MTRF1: variants seen among roughly 807,000 people sequenced by gnomAD.
MTRF1 encodes peptide chain release factor 1, mitochondrial.
Under a neutral mutation model 62.9 loss-of-function variants are expected in MTRF1, and 51 were observed. That is an observed-to-expected ratio of 0.81 (90% confidence interval 0.65 to 1.02). The LOEUF (loss-of-function observed/expected upper bound fraction) is 1.02, where lower values mean the gene tolerates loss of function less well. Ranked by LOEUF, MTRF1 falls within the 50% of genes least tolerant of loss-of-function variation. The probability of loss-of-function intolerance (pLI) is 0.00; values close to 1 mark genes in which losing one functional copy is unlikely to be tolerated. For synonymous variants in MTRF1, 158 were observed against 181.9 expected (o/e 0.87, Z 1.06); for missense variants, 446 against 530.0 (o/e 0.84, Z 1.56).
At chr13:41,288,751 C>T in the MTRF1 span, among the ~76,000 whole-genome samples, 1 of 152,064 alleles carries the variant, frequency 6.6e-6, no homozygotes. Flanking sequence ...TTATTTTAGA[C>T]TATGGAAATG....
At chr13:41,286,505 T>C in the MTRF1 span, among the ~76,000 whole-genome samples, 48 of 152,344 alleles carry the variant, frequency 3.2e-4, no homozygotes, top group African/African-American at 1.1e-3. Context: ...TAACCCAGGA[T>C]AGTCATAAGC....
At chr13:41,294,429 A>AAG in the MTRF1 span, among the ~76,000 whole-genome samples, 5 of 150,812 alleles carry the variant, frequency 3.3e-5, no homozygotes, top group African/African-American at 1.2e-4. Context: ...AAAAAAAAAA[A>AAG]AAAGAAAGAA....
chr13:41,228,000 C>T lies in MTRF1; in HGVS notation c.989-1432G>A, dbSNP rs188725967. Among the ~76,000 whole-genome samples the T allele has an allele frequency of 1.1e-4, 17 of 152,302 alleles. No homozygotes were observed. In the East Asian group the frequency reaches 3.1e-3, roughly 28 times the overall value. On this transcript the variant is annotated intron_variant, in intron 7 of 9. Coordinates refer to ENST00000379480, the MANE Select transcript of MTRF1 (RefSeq NM_004294.4). ...ACTACCCAAAAGAATATGAACATTT[C>T]CATTTTAAGACGGCCAGGCTTTCAT...
At chr13:41,269,199 GT>G in the MTRF1 span, among the ~76,000 whole-genome samples, 9,443 of 68,328 alleles carry the variant, frequency 0.14, 208 homozygotes, top group African/African-American at 0.22. Flanking sequence ...TTTTTTTTTG[GT>G]TTTTTTTTTT....
At chr13:41,271,583 A>T in the MTRF1 span, among the ~76,000 whole-genome samples, 108,830 of 151,934 alleles carry the variant, frequency 0.72, 39,279 homozygotes, top group African/African-American at 0.74. Flanking sequence ...CAGAGGTCTA[A>T]GATCTCCGAG....
chr13:41,284,456 C>T, the MTRF1 span, among the ~76,000 whole-genome samples: 5 of 144,616 alleles, frequency 3.5e-5, no homozygotes, highest in African/African-American at 1.3e-4. Flanking sequence ...GCTTGGGTGA[C>T]AGAATGACAC....
At chr13:41,262,113 G>C (rs1460598644) in intron 1 of MTRF1, 1 of 152,016 alleles carries the variant, frequency 6.6e-6, no homozygotes, top group Non-Finnish European at 1.5e-5. Flanking sequence ...GAGGCGGGCA[G>C]ATCATCTGAG....
the MTRF1 span, among the ~76,000 whole-genome samples, chr13:41,303,984 T>C: frequency 6.6e-6 from 1 of 152,236 alleles, no homozygotes; most frequent in Non-Finnish European, 1.5e-5. Context: ...AGGAACGCCC[T>C]ACTCTGTCTA....
chr13:41,294,546 C>T, the MTRF1 span, among the ~76,000 whole-genome samples: 2 of 151,146 alleles, frequency 1.3e-5, no homozygotes, highest in African/African-American at 4.9e-5. Context: ...AGGAAAGAAC[C>T]GGTAAGTAGG....
the MTRF1 span, among the ~76,000 whole-genome samples, chr13:41,270,715 A>G: frequency 0.016 from 2,405 of 150,914 alleles, 76 homozygotes; most frequent in African/African-American, 0.055. Context: ...ATAAATTATA[A>G]AGGCTTTTTA....
At chr13:41,308,489 C>T in the MTRF1 span, among the ~76,000 whole-genome samples, 3 of 152,012 alleles carry the variant, frequency 2.0e-5, no homozygotes, top group South Asian at 4.1e-4. Context: ...TTAGTAATGC[C>T]GTGGTAAGCA....
At chr13:41,243,513 C>G (rs73179123) in intron 5 of MTRF1, among the ~76,000 whole-genome samples, 7,745 of 152,088 alleles carry the variant, frequency 0.051, 258 homozygotes, top group Non-Finnish European at 0.079. Flanking sequence ...AGTTGTTGCC[C>G]TGTGGGACTC....
chr13:41,283,612 C>T, the MTRF1 span, among the ~76,000 whole-genome samples: 4 of 4,576 alleles, frequency 8.7e-4, no homozygotes, highest in Admixed American at 2.8e-3. Flanking sequence ...TTTTTTGAGA[C>T]GGAGTCTCGC....
At chr13:41,275,493 C>T in the MTRF1 span, among the ~76,000 whole-genome samples, 4 of 140,396 alleles carry the variant, frequency 2.8e-5, no homozygotes, top group African/African-American at 1.2e-4. Context: ...TGCCACCGTG[C>T]CCGGCTTTTT....
At chr13:41,284,949 G>A in the MTRF1 span, among the ~76,000 whole-genome samples, 2 of 152,038 alleles carry the variant, frequency 1.3e-5, no homozygotes, top group African/African-American at 2.4e-5. Context: ...CACTGTGCCC[G>A]GCCTGTCAAC....
At chr13:41,279,789 G>T in the MTRF1 span, among the ~76,000 whole-genome samples, 1 of 152,066 alleles carries the variant, frequency 6.6e-6, no homozygotes, top group African/African-American at 2.4e-5. Context: ...TTTCCCCTTT[G>T]TTTTCCTTCC....
intron 6 of MTRF1, among the ~76,000 whole-genome samples, chr13:41,239,878 C>T (rs1485842268): frequency 6.6e-6 from 1 of 151,964 alleles, no homozygotes; most frequent in Non-Finnish European, 1.5e-5. Flanking sequence ...GAACAGATTT[C>T]GGCTGGGTGC....
the MTRF1 span, among the ~76,000 whole-genome samples, chr13:41,293,720 C>T: frequency 6.6e-6 from 1 of 152,072 alleles, no homozygotes; most frequent in Non-Finnish European, 1.5e-5. Context: ...CAGAAATAAT[C>T]TAGGTTATCT....
chr13:41,260,197 TG>T (rs2040275786), intron 2 of MTRF1, among the ~76,000 whole-genome samples: 1 of 152,096 alleles, frequency 6.6e-6, no homozygotes, highest in Admixed American at 6.5e-5. Flanking sequence ...CCAGCCTCAG[TG>T]GCTCGGTGGC....
Sources: allele counts gnomAD v4.1 joint callset (sites outside exome capture counted in the v4.1 genomes callset), GRCh38; gene constraint gnomAD v4.1.1; transcripts MANE v1.5; gene names NCBI Gene and HGNC (gene_info 2026-07-23, HGNC 2026-07-21).